Variants in PLIN2 observed in about 807,000 individuals in gnomAD.
PLIN2 encodes the protein perilipin 2.
PLIN2 carries 33 observed loss-of-function variants against 30.6 expected under a neutral mutation model. The observed-to-expected ratio is 1.08, with a 90% CI of 0.82 to 1.44. PLIN2 has a LOEUF of 1.44. PLIN2 is among the 40% of genes most tolerant of loss of function. The probability of loss-of-function intolerance (pLI) is 0.00; values close to 1 mark genes in which losing one functional copy is unlikely to be tolerated. For missense variants in PLIN2, 610 were observed against 531.8 expected (o/e 1.15, Z -1.45); for synonymous variants, 205 against 201.1 (o/e 1.02, Z -0.16).
At chr9:19,118,284 T>C in intron 7 of PLIN2, 37 bp downstream of exon 7, 1 of 1,563,672 alleles carries the variant, frequency 6.4e-7, no homozygotes, top group Non-Finnish European at 8.6e-7. Context: ...TAAGAACTTC[T>C]TCAGCAACCA....
chr9:19,116,630 A>G lies in PLIN2; in HGVS notation c.932T>C (p.Leu311Pro), dbSNP rs1356727727. ...CTGAGTCAGGTTGCGGGCAATTGCA[A>G]GAGTACGTGACTCAATGTGCTAAAA... ...HCAEHIESRT[L>P]AIARNLTQQL... The change falls in exon 8 of 8, where the codon CTT becomes CCT. Residue 311 changes from leucine to proline, a missense_variant. Physicochemically the swap from Leu to Pro is moderately conservative, Grantham distance 98 (BLOSUM62 -3). Coordinates refer to ENST00000276914, the MANE Select transcript of PLIN2 (RefSeq NM_001122.4). The G allele has an allele frequency of 6.2e-7, 1 of 1,613,290 alleles. No individual in the cohort carries two copies. The highest frequency in any genetic ancestry group is 8.5e-7 in the Non-Finnish European group (1 of 1,179,304).
downstream of PLIN2, among the ~76,000 whole-genome samples, chr9:19,114,103 C>G (rs1324767378): frequency 6.6e-6 from 1 of 151,952 alleles, no homozygotes; most frequent in African/African-American, 2.4e-5. Flanking sequence ...TTAGTAGAGA[C>G]TGGGTTTTGC....
chr9:19,115,091 TTCAGC>T (rs1217168022), downstream of PLIN2, among the ~76,000 whole-genome samples: 1 of 152,184 alleles, frequency 6.6e-6, no homozygotes, highest in Non-Finnish European at 1.5e-5. Flanking sequence ...CTCACTTCCT[TTCAGC>T]TCTGATTCCT....
chr9:19,112,899 C>T (rs1818175750), downstream of PLIN2, among the ~76,000 whole-genome samples: 1 of 152,022 alleles, frequency 6.6e-6, no homozygotes, highest in Admixed American at 6.6e-5. Flanking sequence ...TTTATTCTGC[C>T]CCTGCTCAGG....
In PLIN2 at chr9:19,116,096, T is replaced by TA. The variant is rs1483173651; in HGVS notation, c.*151dup. ...AATCATCTGCTAATGCCAGAAACTT[T>TA]AAAGCTCTTAATTCAGCTGGAAACA... On this transcript the variant is annotated 3_prime_UTR_variant, in exon 8 of 8. Coordinates refer to ENST00000276914, the MANE Select transcript of PLIN2 (RefSeq NM_001122.4). 5 of 641,902 alleles carry TA rather than the reference T, an allele frequency of 7.8e-6. No individual in the cohort carries two copies. In the African/African-American group the frequency reaches 9.1e-5, roughly 12 times the overall value. The allele number at this position is 641,902 out of a possible 1,614,324, so 39.8% of individuals were successfully genotyped here. A position where few individuals can be genotyped will look rare whatever the true frequency, so the allele number is the denominator to read the frequency against.
Position 19,118,468 on chromosome 9 carries a change from A to G in PLIN2, c.778-13T>C. On this transcript the variant is annotated splice_polypyrimidine_tract_variant and intron_variant, in intron 6 of 7. Coordinates refer to ENST00000276914, the MANE Select transcript of PLIN2 (RefSeq NM_001122.4). ...TGGCAAATTCAATCTAGACACATTG[A>G]AACAAGACAAAGGAACACACAAGTC... 6.2e-7 allele frequency: 1 copy of G among 1,610,196 alleles called. No individual in the cohort carries two copies. The highest frequency in any genetic ancestry group is 8.5e-7 in the Non-Finnish European group (1 of 1,178,804).
intron 6 of PLIN2, 107 bp downstream of exon 6, chr9:19,119,543 G>T: frequency 1.5e-6 from 1 of 678,210 alleles, no homozygotes; most frequent in Non-Finnish European, 2.5e-6. Flanking sequence ...CTATTGGGTT[G>T]TTTGTCAACT....
In PLIN2 at chr9:19,119,796, C is replaced by A. The variant is rs745865190; in HGVS notation, c.631G>T (p.Val211Phe). 1.3e-6 allele frequency: 2 copies of A among 1,590,448 alleles called. No homozygotes were observed. The highest frequency in any genetic ancestry group is 1.7e-6 in the Non-Finnish European group (2 of 1,168,212). Reference protein sequence around the residue: ...EAKKVEGFDLVQKPSYYVRLG... With the variant: ...EAKKVEGFDLFQKPSYYVRLG... ...CTAACATAATAACTTGGCTTCTGAA[C>A]CAGATCAAATCCTTCAACTTTTTTT... is the stretch of plus-strand genomic sequence containing the variant. The change falls in exon 6 of 8, where the codon GTT becomes TTT. Residue 211 changes from valine to phenylalanine, a missense_variant. Physicochemically the swap from Val to Phe is conservative, Grantham distance 50. Coordinates refer to ENST00000276914, the MANE Select transcript of PLIN2 (RefSeq NM_001122.4).
At position 19,121,004 on chromosome 9, in the gene PLIN2, A is replaced by G; in HGVS notation, c.471T>C (p.Ser157=). 1 of 1,614,192 alleles carries G rather than the reference A, an allele frequency of 6.2e-7. No individual in the cohort carries two copies. Among genetic ancestry groups the G allele is most frequent in the Non-Finnish European group, 8.5e-7 (1 of 1,180,032 alleles). ...TCCCCAAGACTGTGTTAATGCTGCCACTGACCACAGACTTGGTCTTCTCCA... is the reference window on the plus strand; with the variant it reads ...TCCCCAAGACTGTGTTAATGCTGCCGCTGACCACAGACTTGGTCTTCTCCA... ...GSVEKTKSVV[S]GSINTVLGSR... Residue 157 remains serine, a synonymous_variant, in exon 5 of 8, where the codon AGT becomes AGC. Coordinates refer to ENST00000276914, the MANE Select transcript of PLIN2 (RefSeq NM_001122.4).
At chr9:19,111,775 G>T (rs1202273569), downstream of PLIN2, among the ~76,000 whole-genome samples, 1 of 151,970 alleles carries the variant, frequency 6.6e-6, no homozygotes, top group East Asian at 1.9e-4. Context: ...CCAAATTTTA[G>T]CTTTTTCCTT....
chr9:19,116,478 A>T lies in PLIN2; in HGVS notation c.1084T>A (p.Ser362Thr). 2 of 1,614,168 alleles carry T rather than the reference A, an allele frequency of 1.2e-6. No homozygotes were observed. The highest frequency in any genetic ancestry group is 1.7e-6 in the Non-Finnish European group (2 of 1,180,020). The stretch of plus-strand genomic sequence containing the variant: ...AGGCTGTCAGACACTTCTTTAAAGG[A>T]GGCAGCATTGCGGAACACTGAGTAG... Reference protein sequence around the residue: ...DIYSVFRNAASFKEVSDSLLT... With the variant: ...DIYSVFRNAATFKEVSDSLLT... The change falls in exon 8 of 8, where the codon TCC (serine) becomes ACC (threonine). Residue 362 changes from serine (S) to threonine (T), a missense_variant. Transcript: ENST00000276914.
chr9:19,121,863 G>A (rs1290568276), intron 4 of PLIN2, among the ~76,000 whole-genome samples: 1 of 152,120 alleles, frequency 6.6e-6, no homozygotes, highest in African/African-American at 2.4e-5. Flanking sequence ...CCCCAGAGGT[G>A]GAGGTTGCAG....
At chr9:19,108,437 T>C (rs549099954) in exon 3 of PLIN2, 16 of 152,364 alleles carry the variant, frequency 1.1e-4, no homozygotes, top group Non-Finnish European at 1.9e-4. Flanking sequence ...ATTAAATGAT[T>C]ATATGACACA....
chr9:19,112,481 A>G (rs910190820), downstream of PLIN2, among the ~76,000 whole-genome samples: 5 of 152,096 alleles, frequency 3.3e-5, no homozygotes, highest in Admixed American at 3.3e-4. Flanking sequence ...GGCCGAGGTG[A>G]GTGGATCACT....
chr9:19,120,487 A>G (rs1350369144), intron 5 of PLIN2, among the ~76,000 whole-genome samples: 3 of 152,200 alleles, frequency 2.0e-5, no homozygotes, highest in Non-Finnish European at 2.9e-5. Flanking sequence ...AATTTTTGCT[A>G]AGGTTTCAAA....
rs1318751973 is a variant in PLIN2, at chr9:19,127,408, C to A, written c.-23+11G>T. On this transcript the variant is annotated intron_variant, in intron 1 of 7. Transcript: ENST00000276914. The surrounding 1 kb of genome is among the most constrained non-coding windows in gnomAD (Gnocchi z 4.3). ...CCGGTTCGCTGGGGCACCCACTGGG[C>A]GCGCACTCACCGACGGACTGCAGCG... 6.6e-6 allele frequency: 1 copy of A among 152,296 alleles called. No individual in the cohort carries two copies. The highest frequency in any genetic ancestry group is 6.5e-5 in the Admixed American group (1 of 15,286). The allele number at this position is 152,296 out of a possible 1,614,324, so 9.4% of individuals were successfully genotyped here. A position where few individuals can be genotyped will look rare whatever the true frequency, so the allele number is the denominator to read the frequency against.
At chr9:19,111,196 G>A (rs934043510), downstream of PLIN2, among the ~76,000 whole-genome samples, 7 of 151,884 alleles carry the variant, frequency 4.6e-5, no homozygotes, top group Non-Finnish European at 7.4e-5. Flanking sequence ...TTACAGGAGC[G>A]AGCCACAATG....
downstream of PLIN2, among the ~76,000 whole-genome samples, chr9:19,111,942 T>C (rs1018427549): frequency 6.6e-6 from 1 of 152,180 alleles, no homozygotes; most frequent in Non-Finnish European, 1.5e-5. Flanking sequence ...TCAAAGTGGA[T>C]GTATTTTCCT....
chr9:19,115,461 C>A (rs1818207080), downstream of PLIN2, among the ~76,000 whole-genome samples: 1 of 152,068 alleles, frequency 6.6e-6, no homozygotes, highest in African/African-American at 2.4e-5. Flanking sequence ...GCACCCGCCA[C>A]CGTGCCCGGC....
Sources: allele counts gnomAD v4.1 joint callset (sites outside exome capture counted in the v4.1 genomes callset), GRCh38; gene constraint gnomAD v4.1.1; non-coding constraint Gnocchi (gnomAD v3.1); transcripts MANE v1.5; gene names NCBI Gene and HGNC (gene_info 2026-07-23, HGNC 2026-07-21).